MMAA: variants seen among roughly 807,000 people sequenced by gnomAD.
The protein encoded by MMAA is metabolism of cobalamin associated A.
MMAA carries 41 observed loss-of-function variants against 45.0 expected under a neutral mutation model. The observed-to-expected ratio is 0.91, with a 90% CI of 0.71 to 1.18. The LOEUF (loss-of-function observed/expected upper bound fraction) is 1.18. Among genes scored for constraint, MMAA ranks in the 50% most tolerant of loss-of-function variants. MMAA has a pLI of 0.00. For missense variants in MMAA, 460 were observed against 495.7 expected, an observed-to-expected ratio of 0.93 and a Z score of 0.68; for synonymous variants, 154 against 178.2, an observed-to-expected ratio of 0.86 and a Z score of 1.08.
chr4:145,658,893 A>G lies in MMAA; in HGVS notation c.*3459A>G, dbSNP rs1728308596. The G allele has an allele frequency of 6.6e-6, 1 of 152,178 alleles. No homozygotes were observed. The highest frequency in any genetic ancestry group is 1.5e-5 in the Non-Finnish European group (1 of 68,026). 9.4% of individuals were successfully genotyped at this position (152,178 alleles called of 1,614,324 possible). A position where few individuals can be genotyped will look rare whatever the true frequency, so the allele number is the denominator to read the frequency against. On this transcript the variant is annotated 3_prime_UTR_variant, in exon 7 of 7. Transcript: ENST00000649156. ...CTGCTCCTAAAGCCTGAGAAATGCAAATGTGGCTTCGTTAATGCAAATGCT... is the reference window on the plus strand; with the variant it reads ...CTGCTCCTAAAGCCTGAGAAATGCAGATGTGGCTTCGTTAATGCAAATGCT...
In MMAA at chr4:145,655,177, G is replaced by C. The variant is rs758394680; in HGVS notation, c.1000G>C (p.Gly334Arg). ...VIRISARSGE[G>R]ISEMWDKMKD... is the part of the protein sequence containing the mutation. Reference sequence around the variant, plus strand: ...TCGTATTTCTGCCCGAAGTGGAGAGGGGATCTCTGAAATGTGGGATAAAAT... The same window carrying C: ...TCGTATTTCTGCCCGAAGTGGAGAGCGGATCTCTGAAATGTGGGATAAAAT... Residue 334 changes from glycine (G) to arginine (R), a missense_variant, in exon 7 of 7, where the codon GGG (glycine) becomes CGG (arginine). Physicochemically the swap from Gly to Arg is moderately radical, Grantham distance 125 (BLOSUM62 -2). Coordinates refer to ENST00000649156, the MANE Select transcript of MMAA (RefSeq NM_172250.3). The C allele has an allele frequency of 6.2e-7, 1 of 1,614,078 alleles. No individual in the cohort carries two copies.
At chr4:145,643,880 G>A (rs1727859287) in intron 3 of MMAA, among the ~76,000 whole-genome samples, 1 of 152,080 alleles carries the variant, frequency 6.6e-6, no homozygotes, top group South Asian at 2.1e-4. Flanking sequence ...AATAGCCTGT[G>A]ATTAAAGTTA....
intron 1 of MMAA, chr4:145,624,571 C>A: frequency 8.2e-7 from 1 of 1,215,338 alleles, no homozygotes; most frequent in Non-Finnish European, 1.2e-6. Flanking sequence ...CTAGAAGGAA[C>A]CAGCAATTCT....
At chr4:145,645,914 C>T (rs1469807192) in intron 3 of MMAA, 72 bp from the exon 4 acceptor site, 2 of 1,468,246 alleles carry the variant, frequency 1.4e-6, no homozygotes, top group Non-Finnish European at 9.5e-7. Context: ...TAAAGCACTT[C>T]CCTCTAGGAA....
chr4:145,644,466 GAT>G (rs2126621575), intron 3 of MMAA, among the ~76,000 whole-genome samples: 1 of 152,296 alleles, frequency 6.6e-6, no homozygotes, highest in East Asian at 1.9e-4. Context: ...TATGTGGAAA[GAT>G]ATGTGGAAAC....
intron 6 of MMAA, 90 bp downstream of exon 6, chr4:145,654,233 A>C: frequency 6.9e-7 from 1 of 1,458,856 alleles, no homozygotes; most frequent in Non-Finnish European, 9.6e-7. Context: ...ACATATAATC[A>C]ATCTTGCTTC....
Position 145,639,408 on chromosome 4 carries a change from A to C in MMAA, c.269A>C (p.Tyr90Ser). 6.2e-7 allele frequency: 1 copy of C among 1,614,224 alleles called. No individual in the cohort carries two copies. The highest frequency in any genetic ancestry group is 8.5e-7 in the Non-Finnish European group (1 of 1,180,038). The change falls in exon 2 of 7, where the codon TAT becomes TCT. Residue 90 changes from tyrosine (Y) to serine (S), a missense_variant. Transcript: ENST00000649156. ...GAGCAAAGATTTGTGGATAAACTTTATACTGGTTTAATCCAAGGGCAAAGG... is the reference window on the plus strand; with the variant it reads ...GAGCAAAGATTTGTGGATAAACTTTCTACTGGTTTAATCCAAGGGCAAAGG... The part of the protein sequence containing the change: ...DKEQRFVDKL[Y>S]TGLIQGQRAC...
Position 145,627,602 on chromosome 4 carries a change from A to G in MMAA, c.-66+8195A>G, listed in dbSNP as rs557686781. Among the ~76,000 whole-genome samples the G allele has an allele frequency of 2.8e-4, 42 of 152,290 alleles. 1 individual carries two copies. Among genetic ancestry groups the G allele is most frequent in the Admixed American group, 2.4e-3 (36 of 15,298 alleles). On this transcript the variant is annotated intron_variant, in intron 1 of 6. Transcript: ENST00000649156. The stretch of plus-strand genomic sequence containing the variant: ...GGTCTATAAGTAGATAAATTAGAAA[A>G]CAAGAAGACAAATACTATTTTTGAG...
intron 1 of MMAA, among the ~76,000 whole-genome samples, chr4:145,635,061 G>A (rs530883978): frequency 2.0e-5 from 3 of 152,046 alleles, no homozygotes; most frequent in South Asian, 4.1e-4. Flanking sequence ...GCTCCAGCTG[G>A]TGTCTCACTG....
At chr4:145,636,833 A>T (rs1345212671) in intron 1 of MMAA, among the ~76,000 whole-genome samples, 6 of 152,216 alleles carry the variant, frequency 3.9e-5, no homozygotes. Flanking sequence ...TAGGTTATTT[A>T]AGATAAGATA....
intron 5 of MMAA, 95 bp from the exon 6 acceptor site, chr4:145,653,898 GA>G (rs1728160475): frequency 7.5e-7 from 1 of 1,338,046 alleles, no homozygotes; most frequent in Non-Finnish European, 1.1e-6. Flanking sequence ...GGATATGGAT[GA>G]AAAGTTAATG....
intron 1 of MMAA, among the ~76,000 whole-genome samples, chr4:145,631,886 C>CTGTT (rs1444436486): frequency 7.2e-5 from 11 of 152,182 alleles, no homozygotes; most frequent in Non-Finnish European, 1.5e-4. Flanking sequence ...GATAACAACA[C>CTGTT]TGTTTATATA....
intron 4 of MMAA, 193 bp from the exon 5 acceptor site, chr4:145,650,869 A>G (rs1728068424): frequency 1.6e-6 from 1 of 622,608 alleles, no homozygotes; most frequent in Admixed American, 2.4e-5. Context: ...GCTGGGAAGG[A>G]TAACGGGTTT....
In MMAA at chr4:145,659,398, T is replaced by G. The variant is rs1040586113; in HGVS notation, c.*3964T>G. On this transcript the variant is annotated 3_prime_UTR_variant, in exon 7 of 7. Transcript: ENST00000649156. ...AAATGTAGATGATGTGAGTCAAAGT[T>G]CATTAATATTTACCTGAAAATTTGT... The G allele has an allele frequency of 6.6e-5, 10 of 152,268 alleles. No homozygotes were observed. The highest frequency in any genetic ancestry group is 2.4e-4 in the African/African-American group (10 of 41,554). The allele number at this position is 152,268 out of a possible 1,614,324, so 9.4% of individuals were successfully genotyped here. A position where few individuals can be genotyped will look rare whatever the true frequency, so the allele number is the denominator to read the frequency against.
intron 1 of MMAA, among the ~76,000 whole-genome samples, chr4:145,620,525 TA>T (rs1734069607): frequency 6.6e-6 from 1 of 152,242 alleles, no homozygotes. Context: ...TTTTTAATGT[TA>T]CTTGCAACCA....
intron 1 of MMAA, 150 bp downstream of exon 1, chr4:145,619,557 TCTC>T (rs1392108549): frequency 1.3e-5 from 2 of 152,140 alleles, no homozygotes; most frequent in Non-Finnish European, 2.9e-5. Flanking sequence ...TATCGAATAT[TCTC>T]CTAATATTGA....
At chr4:145,630,682 C>T (rs768543803) in intron 1 of MMAA, among the ~76,000 whole-genome samples, 14 of 152,042 alleles carry the variant, frequency 9.2e-5, no homozygotes, top group Admixed American at 2.0e-4. Context: ...GAGCCGAGAT[C>T]GCACCATTGC....
intron 4 of MMAA, among the ~76,000 whole-genome samples, chr4:145,649,566 A>T (rs1323717747): frequency 6.6e-6 from 1 of 152,146 alleles, no homozygotes; most frequent in Non-Finnish European, 1.5e-5. Flanking sequence ...TCTTTAAAAA[A>T]CTTTTCTGGG....
intron 1 of MMAA, among the ~76,000 whole-genome samples, chr4:145,637,222 G>A (rs1165661667): frequency 6.6e-6 from 1 of 152,200 alleles, no homozygotes; most frequent in Non-Finnish European, 1.5e-5. Context: ...CAGTCTATTG[G>A]TAGTGGTAGT....
Sources: gnomAD v4.1 joint callset for allele counts (sites outside exome capture counted in the v4.1 genomes callset) on GRCh38, gnomAD v4.1.1 for gene constraint, MANE v1.5 for transcripts, NCBI Gene and HGNC (gene_info 2026-07-23, HGNC 2026-07-21) for gene names.